Variants in SNX30 observed in about 807,000 individuals in gnomAD.
The protein encoded by SNX30 is sorting nexin-30.
Under a neutral mutation model 46.4 loss-of-function variants are expected in SNX30, and 24 were observed. The ratio of observed to expected loss-of-function variants is 0.52; its 90% CI spans 0.37 to 0.73. The LOEUF (loss-of-function observed/expected upper bound fraction) is 0.73, where lower values mean the gene tolerates loss of function less well. Among genes scored for constraint, SNX30 ranks in the 30% least tolerant of loss-of-function variants. SNX30 has a pLI of 0.00. For synonymous variants in SNX30, 189 were observed against 211.5 expected (o/e 0.89, Z 0.92); for missense variants, 533 against 555.7 (o/e 0.96, Z 0.41).
At chr9:112,787,766 T>C (rs1175098615) in intron 1 of SNX30, among the ~76,000 whole-genome samples, 1 of 151,526 alleles carries the variant, frequency 6.6e-6, no homozygotes, top group Non-Finnish European at 1.5e-5. Context: ...TGTAGAGGAA[T>C]GGTGAGTTTT....
At chr9:112,858,166 G>A (rs908164748) in intron 7 of SNX30, among the ~76,000 whole-genome samples, 1 of 152,100 alleles carries the variant, frequency 6.6e-6, no homozygotes, top group Non-Finnish European at 1.5e-5. Context: ...TCCTTCAGAC[G>A]CATGGTAGCA....
At chr9:112,772,921 A>G (rs1336240093) in intron 1 of SNX30, among the ~76,000 whole-genome samples, 1 of 152,264 alleles carries the variant, frequency 6.6e-6, no homozygotes, top group Non-Finnish European at 1.5e-5. Flanking sequence ...TCGTGAATCA[A>G]GGAACTTCCC....
At position 112,865,389 on chromosome 9, in the gene SNX30, C is replaced by T. The variant is rs79509377; in HGVS notation, c.1254+990C>T. Among the ~76,000 whole-genome samples, 1,235 of 151,696 alleles carry T rather than the reference C, an allele frequency of 8.1e-3. 20 individuals carry two copies. The highest frequency in any genetic ancestry group is 0.028 in the African/African-American group (1,171 of 41,338). On this transcript the variant is annotated intron_variant, in intron 8 of 8. Coordinates refer to ENST00000374232, the MANE Select transcript of SNX30 (RefSeq NM_001012994.2). Reference sequence around the variant, plus strand: ...CCGTAATCCCAGCACTTGAAGAGTCCGAGGTGGGAGGATCACTTGAGCCCA... The same window carrying T: ...CCGTAATCCCAGCACTTGAAGAGTCTGAGGTGGGAGGATCACTTGAGCCCA...
At position 112,763,360 on chromosome 9, in the gene SNX30, CTTTTTTTTTTTT is replaced by C. The variant is rs751720343; in HGVS notation, c.156+12220_156+12231del. 1.6e-3 allele frequency among the ~76,000 whole-genome samples: 78 copies of C among 47,594 alleles called. No homozygotes were observed. In the East Asian group the frequency reaches 0.036, roughly 22 times the overall value. 31.2% of individuals were successfully genotyped at this position (47,594 alleles called of 152,430 possible). On this transcript the variant is annotated intron_variant, in intron 1 of 8. Coordinates refer to ENST00000374232, the MANE Select transcript of SNX30 (RefSeq NM_001012994.2). ...TGTATGGTGTGCCTTGCTATTTAAA[CTTTTTTTTTTTT>C]TTTTTTTTTTTTTTTTGGTGTGTGT...
At chr9:112,813,320 A>G (rs1326348194) in intron 2 of SNX30, among the ~76,000 whole-genome samples, 1 of 150,286 alleles carries the variant, frequency 6.7e-6, no homozygotes, top group African/African-American at 2.4e-5. Context: ...AAACAAAAAA[A>G]CCACCAAAAA....
chr9:112,797,937 C>G (rs1231806738), intron 1 of SNX30, among the ~76,000 whole-genome samples: 2 of 145,138 alleles, frequency 1.4e-5, no homozygotes, highest in African/African-American at 5.1e-5. Context: ...GTCTTGAACT[C>G]CTGACCTCAA....
At chr9:112,876,329 T>C (rs1366589939), downstream of SNX30, among the ~76,000 whole-genome samples, 1 of 151,104 alleles carries the variant, frequency 6.6e-6, no homozygotes, top group Non-Finnish European at 1.5e-5. Context: ...AGACAGAATA[T>C]GGAGGCTGGG....
At chr9:112,753,112 T>C (rs1839301633) in intron 1 of SNX30, among the ~76,000 whole-genome samples, 1 of 152,206 alleles carries the variant, frequency 6.6e-6, no homozygotes, top group African/African-American at 2.4e-5. Flanking sequence ...TATCAGGGTG[T>C]GTATACCAAG....
At chr9:112,865,208 A>C (rs566149266) in intron 8 of SNX30, among the ~76,000 whole-genome samples, 2 of 135,094 alleles carry the variant, frequency 1.5e-5, no homozygotes, top group African/African-American at 5.7e-5. Flanking sequence ...CACATACCTC[A>C]CACAACCCTC....
In SNX30 at chr9:112,817,635, T is replaced by C. The variant is rs375319005; in HGVS notation, c.349-70T>C. On this transcript the variant is annotated intron_variant, in intron 2 of 8. Transcript: ENST00000374232. Reference sequence around the variant, plus strand: ...TGCCTAGTTTGGTTATTCTAAGAGCTTTTTTCCTTCCCTTCAGCCAAGATA... The same window carrying C: ...TGCCTAGTTTGGTTATTCTAAGAGCCTTTTTCCTTCCCTTCAGCCAAGATA... 21 of 923,416 alleles carry C rather than the reference T, an allele frequency of 2.3e-5. No homozygotes were observed. In the East Asian group the frequency reaches 2.4e-4, roughly 11 times the overall value. The allele number at this position is 923,416 out of a possible 1,614,324, so 57.2% of individuals were successfully genotyped here. A position where few individuals can be genotyped will look rare whatever the true frequency, so the allele number is the denominator to read the frequency against.
At chr9:112,793,092 T>G (rs2131390329) in intron 1 of SNX30, among the ~76,000 whole-genome samples, 1 of 152,342 alleles carries the variant, frequency 6.6e-6, no homozygotes, top group East Asian at 1.9e-4. Context: ...AGATAATAAT[T>G]CAGACCTGCT....
downstream of SNX30, chr9:112,878,992 A>G (rs559230708): frequency 7.9e-4 from 121 of 152,356 alleles, no homozygotes; most frequent in African/African-American, 2.7e-3. Flanking sequence ...AAAAATGACT[A>G]CCTCAAATAA....
At chr9:112,793,768 CT>C (rs753949260) in intron 1 of SNX30, among the ~76,000 whole-genome samples, 10 of 149,984 alleles carry the variant, frequency 6.7e-5, no homozygotes, top group Non-Finnish European at 1.2e-4. Flanking sequence ...ACTCCAGTCA[CT>C]GTTTTTCTTG....
intron 1 of SNX30, among the ~76,000 whole-genome samples, chr9:112,785,791 C>T (rs928209442): frequency 2.0e-5 from 3 of 152,116 alleles, no homozygotes; most frequent in African/African-American, 4.8e-5. Flanking sequence ...CCTTGGCCTC[C>T]CAAAGTGCTA....
intron 1 of SNX30, among the ~76,000 whole-genome samples, chr9:112,766,393 T>C (rs533531619): frequency 6.8e-4 from 104 of 152,302 alleles, no homozygotes; most frequent in Middle Eastern, 6.8e-3. Flanking sequence ...ATACAATTTA[T>C]GACTTTTCTA....
intron 1 of SNX30, among the ~76,000 whole-genome samples, chr9:112,782,292 CT>C (rs1839858332): frequency 6.6e-6 from 1 of 152,170 alleles, no homozygotes; most frequent in South Asian, 2.1e-4. Context: ...TCTCTAACTC[CT>C]GACCTCAGGT....
intron 4 of SNX30, among the ~76,000 whole-genome samples, chr9:112,832,081 C>T (rs936842913): frequency 3.9e-5 from 6 of 152,100 alleles, no homozygotes; most frequent in Admixed American, 1.3e-4. Flanking sequence ...CAGTGGAAGC[C>T]GCATGACAGA....
chr9:112,819,258 C>CTT, intron 3 of SNX30, among the ~76,000 whole-genome samples: 1 of 93,352 alleles, frequency 1.1e-5, no homozygotes, highest in Non-Finnish European at 2.1e-5. Flanking sequence ...TTTTATTTTT[C>CTT]TTTCTTTCTT....
At chr9:112,865,008 C>CATAT (rs60640473) in intron 8 of SNX30, among the ~76,000 whole-genome samples, 2 of 148,294 alleles carry the variant, frequency 1.3e-5, no homozygotes, top group Non-Finnish European at 3.0e-5. Context: ...CACACACCCA[C>CATAT]ACACCCCACT....
Sources: allele counts gnomAD v4.1 joint callset (sites outside exome capture counted in the v4.1 genomes callset), GRCh38; gene constraint gnomAD v4.1.1; transcripts MANE v1.5; gene names NCBI Gene and HGNC (gene_info 2026-07-23, HGNC 2026-07-21).